The following OR6N1 variants were observed in gnomAD, a reference collection of about 807,000 sequenced individuals.
The protein encoded by OR6N1 is olfactory receptor family 6 subfamily N member 1.
For missense variants in OR6N1, 394 were observed against 371.7 expected, an observed-to-expected ratio of 1.06 and a Z score of -0.49; for synonymous variants, 170 against 150.7, an observed-to-expected ratio of 1.13 and a Z score of -0.94.
intron 1 of OR6N1, among the ~76,000 whole-genome samples, chr1:158,767,390 T>A (rs1039328703): frequency 6.6e-6 from 1 of 152,228 alleles, no homozygotes; most frequent in Non-Finnish European, 1.5e-5. Flanking sequence ...AACTTCAGAC[T>A]GTGGCCACTT....
the OR6N1 span, among the ~76,000 whole-genome samples, chr1:158,794,069 C>T: frequency 6.6e-6 from 1 of 152,224 alleles, no homozygotes; most frequent in Non-Finnish European, 1.5e-5. Flanking sequence ...CTCTACCTCT[C>T]ATGCAAGCCT....
Position 158,766,446 on chromosome 1 carries a change from A to AGG in OR6N1, c.235_236dup (p.Lys80LeufsTer37). On this transcript the variant is annotated frameshift_variant, in exon 2 of 2. Transcript: ENST00000641846. LOFTEE classifies it low-confidence loss of function (END_TRUNC). ...CACTGAGCAAGTTTGCCAGCATCTT[A>AGG]GGGATGGTGGCAGCTGTATAGCCAA... The AGG allele has an allele frequency of 6.2e-7, 1 of 1,613,784 alleles. No individual in the cohort carries two copies. Among genetic ancestry groups the AGG allele is most frequent in the Non-Finnish European group, 8.5e-7 (1 of 1,179,664 alleles).
the OR6N1 span, among the ~76,000 whole-genome samples, chr1:158,816,839 G>A: frequency 6.6e-6 from 1 of 152,210 alleles, no homozygotes; most frequent in Non-Finnish European, 1.5e-5. Context: ...TCTTTAAGAA[G>A]CGTTGTAATC....
chr1:158,834,049 A>C, the OR6N1 span, among the ~76,000 whole-genome samples: 1 of 152,132 alleles, frequency 6.6e-6, no homozygotes, highest in Non-Finnish European at 1.5e-5. Flanking sequence ...AGTACCAAAA[A>C]ACATCATCCT....
chr1:158,776,847 C>T (rs1249215672), upstream of OR6N1: 49 of 1,614,178 alleles, frequency 3.0e-5, no homozygotes, highest in Non-Finnish European at 4.1e-5. Context: ...AATAGCTCTT[C>T]TTTAGCCGCA....
the OR6N1 span, among the ~76,000 whole-genome samples, chr1:158,821,639 T>C: frequency 1.3e-5 from 2 of 152,216 alleles, no homozygotes; most frequent in South Asian, 4.1e-4. Context: ...GGTTGAATAG[T>C]ATTCCACTGT....
chr1:158,782,417 G>T, the OR6N1 span, among the ~76,000 whole-genome samples: 1 of 152,136 alleles, frequency 6.6e-6, no homozygotes, highest in Non-Finnish European at 1.5e-5. Flanking sequence ...AGAATTAAAT[G>T]ACAGGACAAG....
At chr1:158,802,199 CTTTTTTTTTTTTTTTT>C in the OR6N1 span, among the ~76,000 whole-genome samples, 36 of 105,208 alleles carry the variant, frequency 3.4e-4, no homozygotes, top group African/African-American at 1.5e-3. Flanking sequence ...CCTCATAGCA[CTTTTTTTTTTTTTTTT>C]TTTTTTTTTT....
At chr1:158,777,011 T>A (rs1488464810), upstream of OR6N1, 7 of 1,614,116 alleles carry the variant, frequency 4.3e-6, no homozygotes, top group Non-Finnish European at 5.9e-6. Flanking sequence ...AAGAAAGTGA[T>A]AAGAATTATG....
At chr1:158,792,485 C>A in the OR6N1 span, among the ~76,000 whole-genome samples, 1 of 151,962 alleles carries the variant, frequency 6.6e-6, no homozygotes, top group African/African-American at 2.4e-5. Context: ...TTTTATAAGC[C>A]CTTTAGGAGT....
At chr1:158,815,562 G>A in the OR6N1 span, among the ~76,000 whole-genome samples, 2 of 152,084 alleles carry the variant, frequency 1.3e-5, no homozygotes, top group African/African-American at 4.8e-5. Flanking sequence ...GGTCACTTGG[G>A]TCCAAAGTAA....
At chr1:158,777,183 A>T, upstream of OR6N1, 1 of 1,614,154 alleles carries the variant, frequency 6.2e-7, no homozygotes, top group Non-Finnish European at 8.5e-7. Context: ...ACAGGAAGCC[A>T]CAAGTCCAAC....
At chr1:158,783,249 C>A in the OR6N1 span, among the ~76,000 whole-genome samples, 3 of 152,246 alleles carry the variant, frequency 2.0e-5, no homozygotes, top group East Asian at 5.8e-4. Flanking sequence ...TCATGCCCTG[C>A]CTTGATGAAT....
At chr1:158,769,741 A>G (rs1476790134) in intron 1 of OR6N1, among the ~76,000 whole-genome samples, 4 of 152,304 alleles carry the variant, frequency 2.6e-5, no homozygotes, top group African/African-American at 9.6e-5. Flanking sequence ...GCCTTTCTCA[A>G]TCCAAGACTT....
At chr1:158,786,435 G>A in the OR6N1 span, among the ~76,000 whole-genome samples, 1 of 152,102 alleles carries the variant, frequency 6.6e-6, no homozygotes, top group African/African-American at 2.4e-5. Flanking sequence ...AAAACAGTAG[G>A]GAGATTCCTT....
the OR6N1 span, among the ~76,000 whole-genome samples, chr1:158,803,246 G>C: frequency 6.6e-6 from 1 of 152,196 alleles, no homozygotes; most frequent in Non-Finnish European, 1.5e-5. Context: ...GTTTCTGAGA[G>C]TACTAATGTG....
chr1:158,802,443 C>T, the OR6N1 span, among the ~76,000 whole-genome samples: 8 of 152,002 alleles, frequency 5.3e-5, no homozygotes, highest in South Asian at 4.1e-4. Context: ...CTCCTGACCT[C>T]GTGATCCACC....
At chr1:158,814,865 A>G in the OR6N1 span, among the ~76,000 whole-genome samples, 1 of 152,168 alleles carries the variant, frequency 6.6e-6, no homozygotes, top group Non-Finnish European at 1.5e-5. Flanking sequence ...TAAAGCAATA[A>G]TATTTGTATG....
the OR6N1 span, among the ~76,000 whole-genome samples, chr1:158,833,996 A>T: frequency 6.6e-6 from 1 of 152,050 alleles, no homozygotes; most frequent in African/African-American, 2.4e-5. Context: ...TTTTTTACTC[A>T]TCCTCACCAA....
Sources: gnomAD v4.1 joint callset for allele counts (sites outside exome capture counted in the v4.1 genomes callset) on GRCh38, gnomAD v4.1.1 for gene constraint, MANE v1.5 for transcripts, NCBI Gene and HGNC (gene_info 2026-07-23, HGNC 2026-07-21) for gene names.